The following NFKBIA variants were observed in gnomAD, a reference collection of about 807,000 sequenced individuals.
The protein encoded by NFKBIA is NF-kappa-B inhibitor alpha.
NFKBIA carries 10 observed loss-of-function variants against 36.3 expected under a neutral mutation model. That is an observed-to-expected ratio of 0.28 (90% CI 0.17 to 0.47). NFKBIA has a LOEUF of 0.47. Among genes scored for constraint, NFKBIA ranks in the 20% least tolerant of loss-of-function variants. The pLI is 0.99. For missense variants in NFKBIA, 355 were observed against 399.3 expected (o/e 0.89, Z 0.94); for synonymous variants, 205 against 164.4 (o/e 1.25, Z -1.89).
At position 35,404,450 on chromosome 14, in the gene NFKBIA, G is replaced by A. The variant is rs752999258; in HGVS notation, c.195C>T (p.Pro65=). 2 of 1,569,744 alleles carry A rather than the reference G, an allele frequency of 1.3e-6. No individual in the cohort carries two copies. The highest frequency in any genetic ancestry group is 2.4e-5 in the East Asian group (1 of 41,118). The change falls in exon 1 of 6, where the codon CCC becomes CCT. Residue 65 remains proline, a synonymous_variant. Transcript: ENST00000216797. ...CGTCCTCGGTGAGCTGCTGCTTCCA[G>A]GGCTCCGAGCCGCGCGGCACCTCCT... ...EPQEVPRGSE[P]WKQQLTEDGD...
chr14:35,402,210 C>T lies in NFKBIA; in HGVS notation c.907-150G>A, dbSNP rs975053378. 8 of 405,148 alleles carry T rather than the reference C, an allele frequency of 2.0e-5. No homozygotes were observed. The Admixed American group carries it at 2.7e-4, about 14-fold the overall frequency. 25.1% of individuals were successfully genotyped at this position (405,148 alleles called of 1,614,324 possible). A position where few individuals can be genotyped will look rare whatever the true frequency, so the allele number is the denominator to read the frequency against. ...AACTTTACAGGCTGAGAGAGTTTGCCTTTAATGCTTCTCTTTAAAAAAAGA... is the reference window on the plus strand; with the variant it reads ...AACTTTACAGGCTGAGAGAGTTTGCTTTTAATGCTTCTCTTTAAAAAAAGA... On this transcript the variant is annotated intron_variant, in intron 5 of 5. Coordinates refer to ENST00000216797, the MANE Select transcript of NFKBIA (RefSeq NM_020529.3).
Position 35,402,438 on chromosome 14 carries a change from TCTC to T in NFKBIA, c.859_861del (p.Glu287del), listed in dbSNP as rs2052738677. 8 of 1,614,066 alleles carry T rather than the reference TCTC, an allele frequency of 5.0e-6. No individual in the cohort carries two copies. Among genetic ancestry groups the T allele is most frequent in the Non-Finnish European group, 6.8e-6 (8 of 1,180,018 alleles). ...GTGAACTCTGACTCTGTGTCATAGC[TCTC>T]CTCATCCTCACTCTCTGGCAGCATC... On this transcript the variant is annotated inframe_deletion, in exon 5 of 6. Transcript: ENST00000216797.
In NFKBIA at chr14:35,402,049, A is replaced by G. The variant is rs1278076434; in HGVS notation, c.918T>C (p.Asp306=). 9.3e-6 allele frequency: 15 copies of G among 1,613,948 alleles called. No individual in the cohort carries two copies. Among genetic ancestry groups the G allele is most frequent in the Non-Finnish European group, 8.5e-7 (1 of 1,180,014 alleles). Residue 306 remains aspartate (D), a synonymous_variant, in exon 6 of 6, where the codon GAT becomes GAC. Coordinates refer to ENST00000216797, the MANE Select transcript of NFKBIA (RefSeq NM_020529.3). The part of the protein sequence containing the change: ...TEFTEDELPY[D]DCVFGGQRLT... ...GACGCTGGCCTCCAAACACACAGTCATCATAGGGCAGCTGAAAACAAGGGG... is the reference window on the plus strand; with the variant it reads ...GACGCTGGCCTCCAAACACACAGTCGTCATAGGGCAGCTGAAAACAAGGGG...
At chr14:35,403,037 C>G in intron 3 of NFKBIA, 113 bp downstream of exon 3, 16 of 1,360,224 alleles carry the variant, frequency 1.2e-5, no homozygotes, top group Non-Finnish European at 1.7e-5. Context: ...TCTCAACCTT[C>G]CAAATGTTAG....
intron 1 of NFKBIA, chr14:35,404,026 C>A: frequency 3.5e-6 from 2 of 569,064 alleles, no homozygotes; most frequent in South Asian, 1.9e-5. Flanking sequence ...CCCGCCCTCC[C>A]GCCAGCTCGG....
intron 5 of NFKBIA, 97 bp downstream of exon 5, chr14:35,402,297 T>C (rs1356491158): frequency 6.9e-7 from 1 of 1,444,190 alleles, no homozygotes; most frequent in Non-Finnish European, 9.7e-7. Flanking sequence ...ACTCATTATG[T>C]AGATACCCCT....
rs1344072314 is a variant in NFKBIA, at chr14:35,403,215, C to T, written c.482G>A (p.Gly161Glu). Residue 161 changes from glycine to glutamate, a missense_variant, in exon 3 of 6, where the codon GGA (glycine) becomes GAA (glutamate). By Grantham distance (98) the Gly-to-Glu change is moderately conservative (BLOSUM62 -2). Coordinates refer to ENST00000216797, the MANE Select transcript of NFKBIA (RefSeq NM_020529.3). ...GGTGGTGCAGGACTGAGTCAGGACT[C>T]CCACGCTGGCCAGGCAGCCCTGCTC... is the stretch of plus-strand genomic sequence containing the variant. ...ACEQGCLASVGVLTQSCTTPH... is the reference protein window; with the variant it reads ...ACEQGCLASVEVLTQSCTTPH... The T allele has an allele frequency of 2.5e-6, 4 of 1,612,490 alleles. No individual in the cohort carries two copies. The African/African-American group carries it at 4.0e-5, about 16-fold the overall frequency.
rs145753299 is a variant in NFKBIA at position 35,401,929 on chromosome 14, TTTC to T, written c.*81_*83del. On this transcript the variant is annotated 3_prime_UTR_variant, in exon 6 of 6. Coordinates refer to ENST00000216797, the MANE Select transcript of NFKBIA (RefSeq NM_020529.3). Reference sequence around the variant, plus strand: ...GGATATAAGTACACCCTTTAAATTTTTTCTTCTTTTTTCTTTTTTTAGAAAAAT... The same window carrying T: ...GGATATAAGTACACCCTTTAAATTTTTTCTTTTTTCTTTTTTTAGAAAAAT... 130,200 of 1,522,486 alleles carry T rather than the reference TTTC, an allele frequency of 0.086. 8,207 individuals are homozygous for T. The highest frequency in any genetic ancestry group is 0.28 in the Admixed American group (16,365 of 59,306). 94.3% of individuals were successfully genotyped at this position (1,522,486 alleles called of 1,614,324 possible).
chr14:35,403,192 T>C lies in NFKBIA; in HGVS notation c.505A>G (p.Thr169Ala), dbSNP rs745783613. ...SVGVLTQSCT[T>A]PHLHSILKAT... ...TTCAGGATGGAGTGGAGGTGCGGGG[T>C]GGTGCAGGACTGAGTCAGGACTCCC... is the stretch of plus-strand genomic sequence containing the variant. The change falls in exon 3 of 6, where the codon ACC becomes GCC. Residue 169 changes from threonine (T) to alanine (A), a missense_variant. Coordinates refer to ENST00000216797, the MANE Select transcript of NFKBIA (RefSeq NM_020529.3). 1.2e-6 allele frequency: 2 copies of C among 1,611,618 alleles called. No individual in the cohort carries two copies. Among genetic ancestry groups the C allele is most frequent in the Non-Finnish European group, 1.7e-6 (2 of 1,179,846 alleles).
At chr14:35,404,002 G>A in intron 1 of NFKBIA, 1 of 594,074 alleles carries the variant, frequency 1.7e-6, no homozygotes. Flanking sequence ...CCCGGCGGGC[G>A]CCGGCCAGAC....
intron 1 of NFKBIA, chr14:35,404,108 A>G: frequency 2.5e-6 from 1 of 407,402 alleles, no homozygotes; most frequent in Non-Finnish European, 4.4e-6. Flanking sequence ...CGCCTTATGC[A>G]ACCGGGGACT....
At chr14:35,403,884 A>G in intron 1 of NFKBIA, 86 bp from the exon 2 acceptor site, 1 of 994,826 alleles carries the variant, frequency 1.0e-6, no homozygotes, top group South Asian at 1.3e-5. Flanking sequence ...GGATTGCGCA[A>G]GGCCGGGGTT....
rs1201737241 is a variant in NFKBIA, at chr14:35,404,588, C to G, written c.57G>C (p.Gly19=). ...CGTCCAGTAGCCGCTCCTTCTTCAG[C>G]CCGTCGCGGGGGCCCTCCATGGCCC... is the stretch of plus-strand genomic sequence containing the variant. The part of the protein sequence containing the change: ...QEWAMEGPRD[G]LKKERLLDDR... The change falls in exon 1 of 6, where the codon GGG becomes GGC. Residue 19 remains glycine (G), a synonymous_variant. Transcript: ENST00000216797. The G allele has an allele frequency of 6.3e-7, 1 of 1,583,710 alleles. No individual in the cohort carries two copies. The highest frequency in any genetic ancestry group is 8.6e-7 in the Non-Finnish European group (1 of 1,166,678).
At chr14:35,402,971 C>G in intron 3 of NFKBIA, 112 bp from the exon 4 acceptor site, 3 of 1,281,118 alleles carry the variant, frequency 2.3e-6, no homozygotes, top group Non-Finnish European at 3.3e-6. Context: ...AACCCACAGT[C>G]TGGGTTCTGA....
chr14:35,403,969 T>A, intron 1 of NFKBIA, 171 bp from the exon 2 acceptor site: 1 of 636,122 alleles, frequency 1.6e-6, no homozygotes. Flanking sequence ...CCCAGGGACT[T>A]TCCGCCCCCC....
Position 35,403,167 on chromosome 14 carries a change from T to A in NFKBIA, c.530A>T (p.Lys177Met). Residue 177 changes from lysine (K) to methionine (M), a missense_variant, in exon 3 of 6, where the codon AAG becomes ATG. Lys to Met is a moderately conservative substitution (Grantham distance 95, BLOSUM62 -1). Coordinates refer to ENST00000216797, the MANE Select transcript of NFKBIA (RefSeq NM_020529.3). ...AGACATACCATTGTAGTTGGTAGCC[T>A]TCAGGATGGAGTGGAGGTGCGGGGT... ...CTTPHLHSIL[K>M]ATNYNGHTCL... 6.2e-7 allele frequency: 1 copy of A among 1,611,834 alleles called. No individual in the cohort carries two copies. The highest frequency in any genetic ancestry group is 8.5e-7 in the Non-Finnish European group (1 of 1,179,730).
At position 35,403,345 on chromosome 14, in the gene NFKBIA, C is replaced by A. The variant is rs1383228665; in HGVS notation, c.352G>T (p.Ala118Ser). 1 of 1,614,034 alleles carries A rather than the reference C, an allele frequency of 6.2e-7. No homozygotes were observed. Among genetic ancestry groups the A allele is most frequent in the South Asian group, 1.1e-5 (1 of 91,074 alleles). ...NNLQQTPLHL[A>S]VITNQPEIAE... Reference sequence around the variant, plus strand: ...ATTTCTGGCTGGTTGGTGATCACAGCCAAGTGGAGTGGAGTCTACGAATGC... The same window carrying A: ...ATTTCTGGCTGGTTGGTGATCACAGACAAGTGGAGTGGAGTCTACGAATGC... The change falls in exon 3 of 6, where the codon GCT becomes TCT. Residue 118 changes from alanine (A) to serine (S), a missense_variant. By Grantham distance (99) the Ala-to-Ser change is moderately conservative. Coordinates refer to ENST00000216797, the MANE Select transcript of NFKBIA (RefSeq NM_020529.3).
At position 35,402,837 on chromosome 14, in the gene NFKBIA, G is replaced by A. The variant is rs1566590147; in HGVS notation, c.570C>T (p.Ala190=). ...NYNGHTCLHL[A]SIHGYLGIVE... The stretch of plus-strand genomic sequence containing the variant: ...CGATGCCCAGGTAGCCATGGATAGA[G>A]GCTAAGTGTAGACACGTGTGGCCTG... Residue 190 remains alanine (A), a synonymous_variant, in exon 4 of 6, where the codon GCC becomes GCT. Transcript: ENST00000216797. The A allele has an allele frequency of 6.2e-7, 1 of 1,614,192 alleles. No homozygotes were observed.
In NFKBIA at chr14:35,401,744, T is replaced by G. The variant is rs2052727888; in HGVS notation, c.*269A>C. ...AAATGTGGTCCTTCCATGAAATTTT[T>G]GATAACCTTCTCCAAAAACCCCACA... On this transcript the variant is annotated 3_prime_UTR_variant, in exon 6 of 6. Transcript: ENST00000216797. 2 of 526,560 alleles carry G rather than the reference T, an allele frequency of 3.8e-6. No individual in the cohort carries two copies. Among genetic ancestry groups the G allele is most frequent in the South Asian group, 4.7e-5 (2 of 42,718 alleles). The allele number at this position is 526,560 out of a possible 1,614,324, so 32.6% of individuals were successfully genotyped here. A position where few individuals can be genotyped will look rare whatever the true frequency, so the allele number is the denominator to read the frequency against.
Sources: allele counts gnomAD v4.1 joint callset, GRCh38; gene constraint gnomAD v4.1.1; transcripts MANE v1.5; gene names NCBI Gene and HGNC (gene_info 2026-07-23, HGNC 2026-07-21).